The following MYCBP2 variants were observed in gnomAD, a reference collection of about 807,000 sequenced individuals.
MYCBP2 encodes MYC binding protein 2.
A neutral mutation model predicts 525.3 loss-of-function variants in MYCBP2; 120 were observed. The ratio of observed to expected loss-of-function variants is 0.23; its 90% confidence interval spans 0.20 to 0.27. MYCBP2 has a LOEUF of 0.27. Ranked by LOEUF, MYCBP2 falls within the 10% of genes least tolerant of loss-of-function variation. MYCBP2 has a pLI of 1.00. For synonymous variants in MYCBP2, 1,894 were observed against 1,955.8 expected, an observed-to-expected ratio of 0.97 and a Z score of 0.83; for missense variants, 4,149 against 5,657.1, an observed-to-expected ratio of 0.73 and a Z score of 8.55.
In MYCBP2 at chr13:77,264,323, T is replaced by TTTCAATACAATCAC. The variant is rs1189545322; in HGVS notation, c.1358-335_1358-322dup. Among the ~76,000 whole-genome samples the TTTCAATACAATCAC allele has an allele frequency of 4.6e-5, 7 of 152,022 alleles. No homozygotes were observed. In the East Asian group the frequency reaches 5.8e-4, roughly 13 times the overall value. ...CAAACTATAATGTTGGTTACAATCA[T>TTTCAATACAATCAC]TTCAATACAATCACATGCAATGGAG... On this transcript the variant is annotated intron_variant, in intron 8 of 82. Transcript: ENST00000544440.
chr13:77,176,521 T>G lies in MYCBP2; in HGVS notation c.5448A>C (p.Arg1816Ser). Reference sequence around the variant, plus strand: ...CCTTTAAAGGAACCACTTTGTCAAGTCTGATCTCAGCTATATCACTGGGTG... The same window carrying G: ...CCTTTAAAGGAACCACTTTGTCAAGGCTGATCTCAGCTATATCACTGGGTG... The part of the protein sequence containing the change: ...DDSPSDIAEI[R>S]LDKVVPLKEN... Residue 1816 changes from arginine to serine, a missense_variant, in exon 36 of 83, where the codon AGA (arginine) becomes AGC (serine). Coordinates refer to ENST00000544440, the MANE Select transcript of MYCBP2 (RefSeq NM_015057.5). 6.3e-7 allele frequency: 1 copy of G among 1,585,926 alleles called. No homozygotes were observed. Among genetic ancestry groups the G allele is most frequent in the Non-Finnish European group, 8.6e-7 (1 of 1,162,376 alleles).
intron 55 of MYCBP2, chr13:77,109,711 C>A (rs760411309): frequency 6.6e-6 from 1 of 152,122 alleles, no homozygotes; most frequent in Admixed American, 6.5e-5. Context: ...AGACTTGTTG[C>A]GGAAAGTCAG....
At chr13:77,129,444 G>A in intron 52 of MYCBP2, 1 of 344,034 alleles carries the variant, frequency 2.9e-6, no homozygotes, top group East Asian at 4.2e-5. Flanking sequence ...GCTCTCCATG[G>A]ATATAGTGTG....
At chr13:77,311,922 T>C (rs958320232) in intron 1 of MYCBP2, among the ~76,000 whole-genome samples, 1 of 152,054 alleles carries the variant, frequency 6.6e-6, no homozygotes, top group South Asian at 2.1e-4. Context: ...AGGATAAACT[T>C]AAAGAAAATG....
chr13:77,292,507 T>G (rs889783880), intron 2 of MYCBP2, among the ~76,000 whole-genome samples: 1 of 143,424 alleles, frequency 7.0e-6, no homozygotes, highest in South Asian at 2.3e-4. Flanking sequence ...CAAATCATTA[T>G]GCTGAGGGAA....
intron 70 of MYCBP2, among the ~76,000 whole-genome samples, chr13:77,068,083 G>C (rs2040498722): frequency 6.6e-6 from 1 of 152,016 alleles, no homozygotes; most frequent in African/African-American, 2.4e-5. Flanking sequence ...ATAAGTCACT[G>C]TACCCCATCC....
intron 32 of MYCBP2, among the ~76,000 whole-genome samples, chr13:77,183,872 G>A (rs541760818): frequency 1.3e-5 from 2 of 151,940 alleles, no homozygotes; most frequent in South Asian, 4.2e-4. Context: ...TTTTGATTAT[G>A]GTATTTCATG....
intron 26 of MYCBP2, among the ~76,000 whole-genome samples, chr13:77,196,584 T>C (rs1403045385): frequency 1.3e-5 from 2 of 152,156 alleles, no homozygotes; most frequent in African/African-American, 4.8e-5. Flanking sequence ...TAATATTTGC[T>C]CCCGAAGTGG....
At chr13:77,272,442 TTGG>T (rs2075024908) in intron 5 of MYCBP2, 1 of 152,226 alleles carries the variant, frequency 6.6e-6, no homozygotes, top group Non-Finnish European at 1.5e-5. Context: ...AGCTCATATG[TTGG>T]TGGTCACTAT....
At chr13:77,149,508 G>C (rs975405072) in intron 47 of MYCBP2, among the ~76,000 whole-genome samples, 1 of 151,956 alleles carries the variant, frequency 6.6e-6, no homozygotes, top group Non-Finnish European at 1.5e-5. Context: ...ACCATAGAAG[G>C]TATCATCTAT....
chr13:77,220,433 C>T (rs73223407), intron 20 of MYCBP2, among the ~76,000 whole-genome samples: 3,393 of 152,088 alleles, frequency 0.022, 57 homozygotes, highest in Middle Eastern at 0.075. Context: ...AGAATCAGGA[C>T]CCAACCTAGA....
At chr13:77,307,127 G>A (rs1447302980) in intron 1 of MYCBP2, among the ~76,000 whole-genome samples, 2 of 152,068 alleles carry the variant, frequency 1.3e-5, no homozygotes, top group African/African-American at 2.4e-5. Context: ...ACATAAAAAG[G>A]CTAAAAATAT....
At chr13:77,312,166 A>C (rs545075320) in intron 1 of MYCBP2, among the ~76,000 whole-genome samples, 6 of 152,234 alleles carry the variant, frequency 3.9e-5, no homozygotes, top group African/African-American at 1.4e-4. Flanking sequence ...TAGGAATGAA[A>C]GTAAAATAAA....
intron 55 of MYCBP2, among the ~76,000 whole-genome samples, chr13:77,116,972 A>T (rs2049885925): frequency 6.6e-6 from 1 of 151,994 alleles, no homozygotes; most frequent in South Asian, 2.1e-4. Flanking sequence ...TTCATTTAAA[A>T]CTGAATTTGA....
At chr13:77,208,007 C>T (rs1197500998) in intron 23 of MYCBP2, among the ~76,000 whole-genome samples, 2 of 140,178 alleles carry the variant, frequency 1.4e-5, no homozygotes, top group East Asian at 2.5e-4. Context: ...GCTTCCTCTA[C>T]TCTATGTTTA....
intron 61 of MYCBP2, among the ~76,000 whole-genome samples, chr13:77,088,441 A>G (rs2044751755): frequency 1.3e-5 from 2 of 152,148 alleles, no homozygotes. Flanking sequence ...TATTATTTCC[A>G]GAGACCAAAG....
intron 33 of MYCBP2, 148 bp from the exon 34 acceptor site, chr13:77,180,466 C>CCA (rs2060115905): frequency 3.1e-6 from 2 of 641,334 alleles, no homozygotes; most frequent in Non-Finnish European, 5.3e-6. Flanking sequence ...ATATGTGGAG[C>CCA]CACTTTTCAC....
intron 55 of MYCBP2, among the ~76,000 whole-genome samples, chr13:77,108,708 T>TA (rs58279253): frequency 0.03 from 4,456 of 150,980 alleles, 91 homozygotes; most frequent in East Asian, 0.053. Flanking sequence ...ATACTTTATT[T>TA]TTTTTTTTTT....
chr13:77,046,204 C>T (rs551123118), intron 82 of MYCBP2, among the ~76,000 whole-genome samples: 1 of 152,254 alleles, frequency 6.6e-6, no homozygotes, highest in South Asian at 2.1e-4. Flanking sequence ...TAATGTGCTT[C>T]ACGTCATGGG....
Sources: allele counts gnomAD v4.1 joint callset (sites outside exome capture counted in the v4.1 genomes callset), GRCh38; gene constraint gnomAD v4.1.1; transcripts MANE v1.5; gene names NCBI Gene and HGNC (gene_info 2026-07-23, HGNC 2026-07-21).